Variants in ITGA1 observed in about 807,000 individuals in gnomAD.
ITGA1 encodes integrin alpha-1.
In ITGA1, 85 loss-of-function variants were observed where a neutral mutation model predicts 145.9. The observed-to-expected ratio is 0.58, with a 90% CI of 0.49 to 0.70. The LOEUF (loss-of-function observed/expected upper bound fraction) is 0.70. Ranked by LOEUF, ITGA1 falls within the 30% of genes least tolerant of loss-of-function variation. The probability of loss-of-function intolerance (pLI) is 0.00; values close to 1 mark genes in which losing one functional copy is unlikely to be tolerated. For synonymous variants in ITGA1, 520 were observed against 495.3 expected, an observed-to-expected ratio of 1.05 and a Z score of -0.66; for missense variants, 1,351 against 1,418.7, an observed-to-expected ratio of 0.95 and a Z score of 0.77.
intron 19 of ITGA1, among the ~76,000 whole-genome samples, chr5:52,926,766 T>C (rs1275752814): frequency 6.6e-6 from 1 of 152,136 alleles, no homozygotes; most frequent in Admixed American, 6.6e-5. Context: ...AATCTGACAG[T>C]GCATCTCTTC....
chr5:52,819,676 C>T (rs1160525793), intron 1 of ITGA1, among the ~76,000 whole-genome samples: 25 of 152,174 alleles, frequency 1.6e-4, no homozygotes, highest in Admixed American at 1.4e-3. Context: ...TCAATGTTGG[C>T]TTTTGTTGCC....
chr5:52,945,080 A>C (rs1375614756), intron 27 of ITGA1, 45 bp downstream of exon 27: 1 of 1,385,794 alleles, frequency 7.2e-7, no homozygotes, highest in Non-Finnish European at 1.0e-6. Context: ...TTTCACTCTG[A>C]ATTTTGTGAC....
chr5:52,800,125 A>T (rs994420488), intron 1 of ITGA1: 1 of 422,856 alleles, frequency 2.4e-6, no homozygotes, highest in Non-Finnish European at 4.3e-6. Flanking sequence ...GCGTGCTGCC[A>T]GCGGGAACTG....
At chr5:52,876,186 C>T (rs1749862889) in intron 6 of ITGA1, among the ~76,000 whole-genome samples, 2 of 152,148 alleles carry the variant, frequency 1.3e-5, no homozygotes, top group South Asian at 4.1e-4. Flanking sequence ...TTATTTGATT[C>T]TGCTACATAC....
chr5:52,881,743 A>G, intron 6 of ITGA1, 130 bp from the exon 7 acceptor site: 1 of 677,620 alleles, frequency 1.5e-6, no homozygotes, highest in Non-Finnish European at 2.4e-6. Context: ...GTCAAAATAG[A>G]AGCATTTGTG....
chr5:52,863,877 C>G (rs1329085216), intron 3 of ITGA1: 1 of 152,166 alleles, frequency 6.6e-6, no homozygotes, highest in Non-Finnish European at 1.5e-5. Flanking sequence ...TAGGTGCTTT[C>G]AAAGCAAACC....
At chr5:52,865,663 T>G in intron 5 of ITGA1, 27 bp from the exon 6 acceptor site, 1 of 1,444,838 alleles carries the variant, frequency 6.9e-7, no homozygotes, top group Non-Finnish European at 9.0e-7. Flanking sequence ...AGATTCCAAA[T>G]TTGACAATTG....
chr5:52,932,180 C>A, intron 22 of ITGA1, 44 bp downstream of exon 22: 2 of 1,224,910 alleles, frequency 1.6e-6, no homozygotes, highest in Non-Finnish European at 2.4e-6. Flanking sequence ...TTCTATTAAC[C>A]CAGTGGTTCT....
At chr5:52,915,353 C>G in intron 14 of ITGA1, 111 bp from the exon 15 acceptor site, 1 of 1,236,706 alleles carries the variant, frequency 8.1e-7, no homozygotes, top group South Asian at 1.4e-5. Context: ...GGCGGATTCC[C>G]AAATTAACAA....
chr5:52,904,791 T>C (rs1384192502), intron 11 of ITGA1: 2 of 149,628 alleles, frequency 1.3e-5, no homozygotes, highest in East Asian at 3.9e-4. Context: ...AGGCGGAGCT[T>C]GCAGTGAGCC....
intron 1 of ITGA1, among the ~76,000 whole-genome samples, chr5:52,839,159 C>A (rs1415380202): frequency 6.6e-6 from 1 of 152,036 alleles, no homozygotes; most frequent in Non-Finnish European, 1.5e-5. Context: ...TAGATTTTTT[C>A]ATATGTTGGA....
At chr5:52,933,427 T>C (rs1382235501) in intron 22 of ITGA1, 2 of 152,174 alleles carry the variant, frequency 1.3e-5, no homozygotes, top group Non-Finnish European at 2.9e-5. Flanking sequence ...AAACATACTA[T>C]TTTACTCTAC....
intron 27 of ITGA1, among the ~76,000 whole-genome samples, chr5:52,946,392 A>C (rs1353034016): frequency 6.6e-6 from 1 of 152,182 alleles, no homozygotes; most frequent in Non-Finnish European, 1.5e-5. Flanking sequence ...TTGTTTTAAG[A>C]AACTGTCATA....
chr5:52,884,511 G>A (rs1750017416), intron 7 of ITGA1, among the ~76,000 whole-genome samples: 1 of 151,090 alleles, frequency 6.6e-6, no homozygotes, highest in Non-Finnish European at 1.5e-5. Flanking sequence ...CATGATATTT[G>A]TTAAAGATTG....
intron 24 of ITGA1, among the ~76,000 whole-genome samples, chr5:52,937,963 G>A (rs1290755714): frequency 1.3e-5 from 2 of 151,976 alleles, no homozygotes; most frequent in Admixed American, 1.3e-4. Flanking sequence ...TTGTGTTTCT[G>A]CACACTCACC....
At chr5:52,822,749 T>G (rs962892770) in intron 1 of ITGA1, among the ~76,000 whole-genome samples, 14 of 152,216 alleles carry the variant, frequency 9.2e-5, no homozygotes, top group African/African-American at 3.4e-4. Flanking sequence ...GATCGGTAAT[T>G]ACACCCCAGG....
intron 1 of ITGA1, among the ~76,000 whole-genome samples, chr5:52,794,498 A>AACACAC (rs1276492389): frequency 1.3e-4 from 11 of 84,500 alleles, no homozygotes; most frequent in African/African-American, 4.6e-4. Flanking sequence ...TGCAAATAGA[A>AACACAC]ATACACACAC....
chr5:52,865,913 A>C, intron 6 of ITGA1, 96 bp downstream of exon 6: 1 of 993,648 alleles, frequency 1.0e-6, no homozygotes, highest in South Asian at 2.4e-5. Flanking sequence ...TTAATCAATA[A>C]AACTAAAGTT....
At chr5:52,912,977 A>G (rs1222332106) in intron 14 of ITGA1, among the ~76,000 whole-genome samples, 2 of 151,956 alleles carry the variant, frequency 1.3e-5, no homozygotes, top group Non-Finnish European at 2.9e-5. Context: ...TGATCTCCTG[A>G]CTTCGTGATC....
Sources: allele counts gnomAD v4.1 joint callset (sites outside exome capture counted in the v4.1 genomes callset), GRCh38; gene constraint gnomAD v4.1.1; transcripts MANE v1.5; gene names NCBI Gene and HGNC (gene_info 2026-07-23, HGNC 2026-07-21).